Variants in EXOC2 observed in about 807,000 individuals in gnomAD.
EXOC2 encodes the protein exocyst complex component 2, also known as SEC5-like 1.
In EXOC2, 70 loss-of-function variants were observed where a neutral mutation model predicts 131.8. That is an observed-to-expected ratio of 0.53 (90% CI 0.44 to 0.65). EXOC2 has a LOEUF of 0.65. Among genes scored for constraint, EXOC2 ranks in the 30% least tolerant of loss-of-function variants. EXOC2 has a pLI of 0.00. For missense variants in EXOC2, 923 were observed against 1,108.6 expected (o/e 0.83, Z 2.38); for synonymous variants, 411 against 398.4 (o/e 1.03, Z -0.38).
intron 23 of EXOC2, among the ~76,000 whole-genome samples, chr6:510,930 G>T (rs918708917): frequency 7.9e-5 from 12 of 152,222 alleles, no homozygotes; most frequent in African/African-American, 2.7e-4. Context: ...TTTGCACTGT[G>T]AGGTGTTACT....
At chr6:558,506 G>A (rs548775388) in intron 17 of EXOC2, among the ~76,000 whole-genome samples, 8 of 152,152 alleles carry the variant, frequency 5.3e-5, no homozygotes, top group Middle Eastern at 3.4e-3. Context: ...AAATTCAACC[G>A]TGGGCCATTA....
intron 6 of EXOC2, 92 bp from the exon 7 acceptor site, chr6:610,270 G>T: frequency 8.9e-7 from 1 of 1,122,736 alleles, no homozygotes; most frequent in Non-Finnish European, 1.3e-6. Flanking sequence ...TTTTTAAAAT[G>T]GTCATATTAT....
At chr6:502,029 G>A (rs920905095) in intron 23 of EXOC2, among the ~76,000 whole-genome samples, 11 of 152,132 alleles carry the variant, frequency 7.2e-5, no homozygotes, top group East Asian at 1.9e-4. Context: ...GGGGGCACTG[G>A]GGCCTGGCCT....
intron 1 of EXOC2, among the ~76,000 whole-genome samples, chr6:649,787 T>C (rs1257223001): frequency 6.6e-6 from 1 of 152,210 alleles, no homozygotes; most frequent in Admixed American, 6.5e-5. Context: ...CAGCAAATGG[T>C]ATCTAGTGGG....
chr6:656,520 C>T, intron 1 of EXOC2: 2 of 1,605,728 alleles, frequency 1.2e-6, no homozygotes, highest in Non-Finnish European at 1.7e-6. Flanking sequence ...GCAGTCCCGC[C>T]ACACTCTCCT....
rs1762985364 is a variant in EXOC2 at position 485,243 on chromosome 6, C to T, written c.*1428G>A. The T allele has an allele frequency of 6.6e-6, 1 of 152,150 alleles. No individual in the cohort carries two copies. The highest frequency in any genetic ancestry group is 1.5e-5 in the Non-Finnish European group (1 of 68,032). 9.4% of individuals were successfully genotyped at this position (152,150 alleles called of 1,614,324 possible). On this transcript the variant is annotated 3_prime_UTR_variant, in exon 28 of 28. Coordinates refer to ENST00000230449, the MANE Select transcript of EXOC2 (RefSeq NM_018303.6). The stretch of plus-strand genomic sequence containing the variant: ...ATGATTGCAGTTTTTAAACTTAGCT[C>T]ACAGTTGAGTTAGATACAACAGTTA...
chr6:687,171 C>CTTTTTT (rs762736216), intron 1 of EXOC2, among the ~76,000 whole-genome samples: 4,533 of 78,212 alleles, frequency 0.058, 1,253 homozygotes, highest in Non-Finnish European at 0.072. Flanking sequence ...AAATAATATT[C>CTTTTTT]TTTTTTTTTT....
At chr6:677,408 A>T (rs1275760205) in intron 1 of EXOC2, among the ~76,000 whole-genome samples, 1 of 152,278 alleles carries the variant, frequency 6.6e-6, no homozygotes, top group African/African-American at 2.4e-5. Context: ...CTTTATTTAA[A>T]ATATTTTTCA....
At chr6:504,757 C>A (rs1581323522) in intron 23 of EXOC2, among the ~76,000 whole-genome samples, 2 of 152,204 alleles carry the variant, frequency 1.3e-5, no homozygotes, top group Non-Finnish European at 2.9e-5. Flanking sequence ...GTGTGCAATT[C>A]CCCCATTCTT....
intron 1 of EXOC2, among the ~76,000 whole-genome samples, chr6:671,048 CA>C (rs376028047): frequency 8.7e-4 from 73 of 84,074 alleles, no homozygotes; most frequent in African/African-American, 2.3e-3. Flanking sequence ...GACTCCATCT[CA>C]AAAAAAAAAA....
At chr6:629,141 A>G (rs538577808) in intron 4 of EXOC2, among the ~76,000 whole-genome samples, 1 of 152,370 alleles carries the variant, frequency 6.6e-6, no homozygotes, top group African/African-American at 2.4e-5. Context: ...TGGTTAAAGT[A>G]TTAACAGTGC....
chr6:606,506 A>G (rs942434806), intron 7 of EXOC2, among the ~76,000 whole-genome samples: 1 of 152,272 alleles, frequency 6.6e-6, no homozygotes, highest in Non-Finnish European at 1.5e-5. Flanking sequence ...ATTTCTTTGT[A>G]GAAAAACTTA....
At chr6:625,881 A>G (rs943713341) in intron 4 of EXOC2, among the ~76,000 whole-genome samples, 4 of 152,124 alleles carry the variant, frequency 2.6e-5, no homozygotes, top group African/African-American at 9.6e-5. Context: ...GATCATATAA[A>G]AACAGTACAA....
intron 17 of EXOC2, among the ~76,000 whole-genome samples, chr6:561,051 T>A (rs957255728): frequency 9.9e-5 from 15 of 152,114 alleles, no homozygotes; most frequent in African/African-American, 3.1e-4. Context: ...TAAAATAGAA[T>A]CTTAATTGAC....
chr6:570,145 T>TG, intron 13 of EXOC2, among the ~76,000 whole-genome samples: 1 of 151,440 alleles, frequency 6.6e-6, no homozygotes, highest in South Asian at 2.1e-4. Context: ...TCTTTTTTTT[T>TG]TTTTTTGAGA....
chr6:537,042 G>A (rs769740417), intron 22 of EXOC2, among the ~76,000 whole-genome samples: 14 of 152,196 alleles, frequency 9.2e-5, no homozygotes, highest in Admixed American at 4.6e-4. Context: ...AAGAAAAGGT[G>A]CTTAACATCA....
At chr6:557,580 T>G (rs1329011578) in intron 17 of EXOC2, among the ~76,000 whole-genome samples, 5 of 135,650 alleles carry the variant, frequency 3.7e-5, no homozygotes, top group Non-Finnish European at 7.6e-5. Context: ...ATTGCGCCAC[T>G]GCACTCCAGC....
chr6:687,229 G>A lies in EXOC2; in HGVS notation c.-44+5790C>T, dbSNP rs186548806. 1.4e-3 allele frequency among the ~76,000 whole-genome samples: 168 copies of A among 118,320 alleles called. 1 individual carries two copies. The highest frequency in any genetic ancestry group is 2.1e-3 in the Non-Finnish European group (132 of 62,404). 77.6% of individuals were successfully genotyped at this position (118,320 alleles called of 152,430 possible). ...TCTCACTCAGTCACCCAGGCTGCTG[G>A]AGTGCAGTGGTGCAATCATAGCTCA... On this transcript the variant is annotated intron_variant, in intron 1 of 27. Transcript: ENST00000230449.
At chr6:651,505 T>G (rs1315834529) in intron 1 of EXOC2, among the ~76,000 whole-genome samples, 2 of 151,088 alleles carry the variant, frequency 1.3e-5, no homozygotes, top group African/African-American at 4.9e-5. Flanking sequence ...AATACAAAAA[T>G]TATCTGGGTG....
Sources: gnomAD v4.1 joint callset for allele counts (sites outside exome capture counted in the v4.1 genomes callset) on GRCh38, gnomAD v4.1.1 for gene constraint, MANE v1.5 for transcripts, NCBI Gene and HGNC (gene_info 2026-07-23, HGNC 2026-07-21) for gene names.